Variants in PACRG observed in about 807,000 individuals in gnomAD.
PACRG encodes the protein parkin coregulated gene protein.
A neutral mutation model predicts 29.7 loss-of-function variants in PACRG; 29 were observed. That is an observed-to-expected ratio of 0.98 (90% CI 0.73 to 1.33). PACRG has a LOEUF of 1.33. Among genes scored for constraint, PACRG ranks in the 40% most tolerant of loss-of-function variants. PACRG has a pLI of 0.00. For synonymous variants in PACRG, 116 were observed against 118.7 expected, an observed-to-expected ratio of 0.98 and a Z score of 0.15; for missense variants, 279 against 316.2, an observed-to-expected ratio of 0.88 and a Z score of 0.89.
Position 163,186,857 on chromosome 6 carries a change from G to A in PACRG, c.613+97449G>A, listed in dbSNP as rs1048972039. Among the ~76,000 whole-genome samples, 16 of 152,166 alleles carry A rather than the reference G, an allele frequency of 1.1e-4. No homozygotes were observed. In the East Asian group the frequency reaches 1.4e-3, roughly 13 times the overall value. Reference sequence around the variant, plus strand: ...GGGCACAGTCAGGAGGTATTTAGTCGGCCTCCCGTCGCCCTCACCGCACAC... The same window carrying A: ...GGGCACAGTCAGGAGGTATTTAGTCAGCCTCCCGTCGCCCTCACCGCACAC... On this transcript the variant is annotated intron_variant, in intron 4 of 4. Transcript: ENST00000366888.
intron 2 of PACRG, among the ~76,000 whole-genome samples, chr6:162,944,517 T>C (rs1222387900): frequency 1.3e-5 from 2 of 152,048 alleles, no homozygotes; most frequent in Non-Finnish European, 2.9e-5. Flanking sequence ...TTTAAAATAG[T>C]TATTTGAAAG....
chr6:162,873,159 GAAAT>G (rs1314214831), intron 2 of PACRG, among the ~76,000 whole-genome samples: 2 of 152,082 alleles, frequency 1.3e-5, no homozygotes, highest in African/African-American at 4.8e-5. Flanking sequence ...TGGTTATCAA[GAAAT>G]AAATAAGAAT....
chr6:162,880,962 G>A (rs982778535), intron 2 of PACRG, among the ~76,000 whole-genome samples: 1 of 152,208 alleles, frequency 6.6e-6, no homozygotes, highest in Non-Finnish European at 1.5e-5. Flanking sequence ...ACAGAGCCAC[G>A]CTCTGTCTGT....
At chr6:163,201,426 T>C (rs1210979440) in intron 4 of PACRG, among the ~76,000 whole-genome samples, 1 of 152,192 alleles carries the variant, frequency 6.6e-6, no homozygotes, top group African/African-American at 2.4e-5. Flanking sequence ...ATTCGGGTGT[T>C]CCCTGAGCTA....
intron 2 of PACRG, among the ~76,000 whole-genome samples, chr6:162,833,983 T>C (rs2128398078): frequency 6.6e-6 from 1 of 152,244 alleles, no homozygotes; most frequent in Non-Finnish European, 1.5e-5. Context: ...CTTGCAAGAC[T>C]GAAACTCTAT....
intron 4 of PACRG, among the ~76,000 whole-genome samples, chr6:163,100,011 C>CGCCT (rs1814948798): frequency 6.6e-6 from 1 of 152,080 alleles, no homozygotes; most frequent in South Asian, 2.1e-4. Flanking sequence ...TGTGTCGCCT[C>CGCCT]GCCTCTCCCT....
intron 3 of PACRG, among the ~76,000 whole-genome samples, chr6:163,078,620 CATT>C (rs1812776316): frequency 6.6e-6 from 1 of 152,056 alleles, no homozygotes; most frequent in African/African-American, 2.4e-5. Context: ...TCATCGTCAT[CATT>C]ATCATCATCA....
intron 3 of PACRG, among the ~76,000 whole-genome samples, chr6:163,087,901 G>T (rs1262713246): frequency 6.6e-6 from 1 of 152,190 alleles, no homozygotes; most frequent in Non-Finnish European, 1.5e-5. Context: ...TGTTGGTGAG[G>T]ATGGAGAGGG....
In PACRG at chr6:163,129,872, A is replaced by G. The variant is rs1450195288; in HGVS notation, c.613+40464A>G. Among the ~76,000 whole-genome samples, 6 of 152,370 alleles carry G rather than the reference A, an allele frequency of 3.9e-5. No homozygotes were observed. The East Asian group carries it at 9.6e-4, about 24-fold the overall frequency. ...TTTATATTTACAGAATGCTTAAAAC[A>G]GTGCTTGGCAAATTATAAGAGCTTA... On this transcript the variant is annotated intron_variant, in intron 4 of 4. Transcript: ENST00000366888.
chr6:163,186,149 A>C (rs1329482062), intron 4 of PACRG, among the ~76,000 whole-genome samples: 1 of 152,200 alleles, frequency 6.6e-6, no homozygotes, highest in Non-Finnish European at 1.5e-5. Flanking sequence ...TGGGCTGCCT[A>C]GCCAGGGGGC....
At chr6:162,871,093 G>A (rs1235838143) in intron 2 of PACRG, among the ~76,000 whole-genome samples, 2 of 152,150 alleles carry the variant, frequency 1.3e-5, no homozygotes, top group Admixed American at 6.5e-5. Flanking sequence ...TTAAAACGAG[G>A]TGATGTGGGG....
chr6:162,848,224 C>T (rs1790572091), intron 2 of PACRG, among the ~76,000 whole-genome samples: 1 of 152,204 alleles, frequency 6.6e-6, no homozygotes, highest in African/African-American at 2.4e-5. Flanking sequence ...CTGTGAGCAA[C>T]AGACAAACTT....
intron 2 of PACRG, among the ~76,000 whole-genome samples, chr6:162,841,452 C>G (rs1458531206): frequency 6.6e-6 from 1 of 152,038 alleles, no homozygotes; most frequent in Non-Finnish European, 1.5e-5. Flanking sequence ...TCCCCTTTAT[C>G]ATATTTTATT....
intron 4 of PACRG, among the ~76,000 whole-genome samples, chr6:163,248,329 G>A (rs1247354432): frequency 6.6e-6 from 1 of 151,472 alleles, no homozygotes; most frequent in Non-Finnish European, 1.5e-5. Flanking sequence ...ATAGCCAGAT[G>A]ACCATCCTTT....
intron 2 of PACRG, among the ~76,000 whole-genome samples, chr6:162,985,436 C>T (rs1165730661): frequency 2.0e-5 from 3 of 152,024 alleles, no homozygotes; most frequent in Non-Finnish European, 4.4e-5. Flanking sequence ...ACCACATAAA[C>T]GGAATTAAAA....
intron 4 of PACRG, among the ~76,000 whole-genome samples, chr6:163,105,426 T>C (rs565211565): frequency 5.1e-4 from 78 of 152,288 alleles, no homozygotes; most frequent in African/African-American, 1.8e-3. Context: ...CAACATAAAA[T>C]TGACTCTGAA....
intron 2 of PACRG, among the ~76,000 whole-genome samples, chr6:162,911,352 A>G (rs1432692001): frequency 1.3e-5 from 2 of 152,208 alleles, no homozygotes; most frequent in Non-Finnish European, 2.9e-5. Context: ...TCTTCTGAAA[A>G]TAATTCTTAC....
At chr6:162,892,709 GC>G (rs1794855868) in intron 2 of PACRG, among the ~76,000 whole-genome samples, 1 of 152,168 alleles carries the variant, frequency 6.6e-6, no homozygotes, top group Admixed American at 6.5e-5. Flanking sequence ...CAAAATGGTG[GC>G]CGTGACAGGC....
At chr6:162,955,632 A>T (rs1267512282) in intron 2 of PACRG, among the ~76,000 whole-genome samples, 1 of 152,152 alleles carries the variant, frequency 6.6e-6, no homozygotes, top group Non-Finnish European at 1.5e-5. Flanking sequence ...TTGTGTTTTC[A>T]GGGGAGACAT....
Sources: allele counts gnomAD v4.1 joint callset (sites outside exome capture counted in the v4.1 genomes callset), GRCh38; gene constraint gnomAD v4.1.1; transcripts MANE v1.5; gene names NCBI Gene and HGNC (gene_info 2026-07-23, HGNC 2026-07-21).